Variants in KALRN observed in about 807,000 individuals in gnomAD.
KALRN encodes the protein kalirin RhoGEF kinase.
In KALRN, 70 loss-of-function variants were observed where a neutral mutation model predicts 353.7. The observed-to-expected ratio is 0.20, with a 90% confidence interval of 0.16 to 0.24. The LOEUF (loss-of-function observed/expected upper bound fraction) is 0.24. Among genes scored for constraint, KALRN ranks in the 10% least tolerant of loss-of-function variants. The pLI is 1.00. For missense variants in KALRN, 2,791 were observed against 3,756.7 expected (o/e 0.74, Z 6.72); for synonymous variants, 1,391 against 1,434.8 (o/e 0.97, Z 0.69).
At position 124,657,462 on chromosome 3, in the gene KALRN, A is replaced by G; in HGVS notation, c.5877A>G (p.Arg1959=). The change falls in exon 40 of 60, where the codon AGA becomes AGG. Residue 1959 remains arginine (R), a synonymous_variant. Coordinates refer to ENST00000682506, the MANE Select transcript of KALRN (RefSeq NM_001388419.1). ...TGCTGCTGCAGGGCTTCATGAAGAGAATAGAAGAAAAGGGTGTCCCTGAGG... is the reference window on the plus strand; with the variant it reads ...TGCTGCTGCAGGGCTTCATGAAGAGGATAGAAGAAAAGGGTGTCCCTGAGG... ...LGIVVEGFMK[R]IEEKGVPEDM... The G allele has an allele frequency of 6.2e-7, 1 of 1,613,392 alleles. No individual in the cohort carries two copies. The highest frequency in any genetic ancestry group is 2.2e-5 in the East Asian group (1 of 44,878).
At chr3:124,338,252 C>T (rs1048094244) in intron 9 of KALRN, among the ~76,000 whole-genome samples, 2 of 152,038 alleles carry the variant, frequency 1.3e-5, no homozygotes, top group South Asian at 2.1e-4. Context: ...AGATCTTTCC[C>T]GCTTTCTCCT....
At chr3:124,298,741 A>G (rs201263571) in intron 5 of KALRN, 50 bp from the exon 6 acceptor site, 717 of 1,611,244 alleles carry the variant, frequency 4.4e-4, no homozygotes, top group Non-Finnish European at 5.8e-4. Flanking sequence ...GTTTTGCCCT[A>G]TTCGACCCAT....
At chr3:124,642,812 T>TTGTTGTTGTTG (rs1559750062) in intron 37 of KALRN, among the ~76,000 whole-genome samples, 42 of 138,344 alleles carry the variant, frequency 3.0e-4, no homozygotes, top group Non-Finnish European at 3.8e-4. Flanking sequence ...CCTCGTTTTT[T>TTGTTGTTGTTG]TTTTTTTTTT....
At chr3:124,235,514 A>C (rs2079648326) in intron 3 of KALRN, among the ~76,000 whole-genome samples, 1 of 79,292 alleles carries the variant, frequency 1.3e-5, no homozygotes, top group African/African-American at 4.1e-5. Context: ...GAGACGGAAG[A>C]GAAGAGAGCT....
chr3:124,362,575 A>G (rs1402184338), intron 10 of KALRN, among the ~76,000 whole-genome samples: 1 of 152,262 alleles, frequency 6.6e-6, no homozygotes, highest in East Asian at 1.9e-4. Context: ...GCAATCTAGG[A>G]GCCAACAAAA....
rs189546964 is a variant in KALRN at position 124,549,404 on chromosome 3, A to C, written c.4936-13439A>C. On this transcript the variant is annotated intron_variant, in intron 33 of 59. Transcript: ENST00000682506. ...ACACAATCACACACACACACACACA[A>C]AATCTCACACACACATACACGGGTC... Among the ~76,000 whole-genome samples the C allele has an allele frequency of 3.7e-3, 565 of 151,194 alleles. 2 individuals carry two copies. The highest frequency in any genetic ancestry group is 5.7e-3 in the Admixed American group (86 of 15,148).
intron 1 of KALRN, among the ~76,000 whole-genome samples, chr3:124,059,628 G>A (rs886127326): frequency 6.6e-6 from 1 of 152,200 alleles, no homozygotes; most frequent in Admixed American, 6.5e-5. Flanking sequence ...GTGTGTGCCT[G>A]TTGGGCACTG....
chr3:124,563,797 T>G (rs902833146), intron 34 of KALRN, among the ~76,000 whole-genome samples: 4 of 152,072 alleles, frequency 2.6e-5, no homozygotes, highest in South Asian at 2.1e-4. Flanking sequence ...CTGTTAGAAA[T>G]GCAGGTGCCA....
At chr3:124,370,517 C>T (rs1223415041) in intron 10 of KALRN, among the ~76,000 whole-genome samples, 2 of 152,178 alleles carry the variant, frequency 1.3e-5, no homozygotes, top group Non-Finnish European at 2.9e-5. Flanking sequence ...TTGAGCATCC[C>T]AAGAAACCGT....
At chr3:124,196,814 C>T (rs896313555) in intron 1 of KALRN, among the ~76,000 whole-genome samples, 8 of 152,074 alleles carry the variant, frequency 5.3e-5, no homozygotes, top group African/African-American at 1.4e-4. Context: ...CTACTAATAG[C>T]GAATGTTTAT....
At chr3:124,251,638 T>C (rs1222280853) in intron 3 of KALRN, among the ~76,000 whole-genome samples, 1 of 152,192 alleles carries the variant, frequency 6.6e-6, no homozygotes, top group Non-Finnish European at 1.5e-5. Context: ...TCCAAAGTGC[T>C]GGGATTACAG....
chr3:124,619,435 A>G (rs1271550292), intron 34 of KALRN, among the ~76,000 whole-genome samples: 2 of 151,498 alleles, frequency 1.3e-5, no homozygotes, highest in African/African-American at 2.4e-5. Context: ...ATGTGTACTC[A>G]GAAGAGGGAT....
At chr3:124,662,883 G>C (rs1468462249) in intron 45 of KALRN, among the ~76,000 whole-genome samples, 1 of 152,120 alleles carries the variant, frequency 6.6e-6, no homozygotes, top group Non-Finnish European at 1.5e-5. Context: ...TTGGCTTGTA[G>C]ATGGCTGTCT....
At position 124,170,412 on chromosome 3, in the gene KALRN, T is replaced by G. The variant is rs182154299; in HGVS notation, c.74-57578T>G. Among the ~76,000 whole-genome samples the G allele has an allele frequency of 1.5e-4, 23 of 152,352 alleles. 1 individual carries two copies. The East Asian group carries it at 4.4e-3, about 29-fold the overall frequency. ...GTTTTACTTATTAAGAAACTGAGGC[T>G]CAGAGATGTGAAGTGTCTTATCCAG... On this transcript the variant is annotated intron_variant, in intron 1 of 59. Coordinates refer to ENST00000682506, the MANE Select transcript of KALRN (RefSeq NM_001388419.1).
intron 57 of KALRN, among the ~76,000 whole-genome samples, chr3:124,703,232 G>A (rs182247290): frequency 7.9e-5 from 12 of 151,990 alleles, no homozygotes; most frequent in Admixed American, 6.6e-4. Flanking sequence ...ACTGCCTTCC[G>A]TTACAGCACC....
intron 9 of KALRN, 63 bp from the exon 10 acceptor site, chr3:124,347,080 A>G: frequency 1.2e-6 from 2 of 1,609,514 alleles, no homozygotes; most frequent in Non-Finnish European, 8.5e-7. Flanking sequence ...GCAGTTGCAC[A>G]TGTTGTCACA....
chr3:124,326,724 C>T (rs1303075660), intron 7 of KALRN, among the ~76,000 whole-genome samples: 5 of 152,176 alleles, frequency 3.3e-5, no homozygotes, highest in African/African-American at 1.2e-4. Context: ...AGTGATTGGC[C>T]TGCCTAAGAT....
intron 51 of KALRN, among the ~76,000 whole-genome samples, chr3:124,686,143 C>A (rs1253569716): frequency 6.6e-6 from 1 of 152,210 alleles, no homozygotes; most frequent in East Asian, 1.9e-4. Context: ...AACTTTAAAA[C>A]CTGCTCTAAC....
chr3:124,297,928 G>A (rs1416545776), intron 5 of KALRN, among the ~76,000 whole-genome samples: 2 of 152,254 alleles, frequency 1.3e-5, no homozygotes, highest in Non-Finnish European at 1.5e-5. Flanking sequence ...AAGAAGAGAA[G>A]CCATAACTAA....
Sources: gnomAD v4.1 joint callset for allele counts (sites outside exome capture counted in the v4.1 genomes callset) on GRCh38, gnomAD v4.1.1 for gene constraint, MANE v1.5 for transcripts, NCBI Gene and HGNC (gene_info 2026-07-23, HGNC 2026-07-21) for gene names.